MTUS2: variants seen among roughly 807,000 people sequenced by gnomAD.
MTUS2 encodes the protein microtubule associated scaffold protein 2.
Under a neutral mutation model 114.1 loss-of-function variants are expected in MTUS2, and 40 were observed. The ratio of observed to expected loss-of-function variants is 0.35; its 90% CI spans 0.27 to 0.46. The LOEUF (loss-of-function observed/expected upper bound fraction) is 0.46. Ranked by LOEUF, MTUS2 falls within the 20% of genes least tolerant of loss-of-function variation. MTUS2 has a pLI of 1.00. For synonymous variants in MTUS2, 688 were observed against 672.0 expected (o/e 1.02, Z -0.37); for missense variants, 1,679 against 1,705.4 (o/e 0.98, Z 0.27).
At chr13:28,837,026 A>T (rs1344735268) in intron 1 of MTUS2, among the ~76,000 whole-genome samples, 1 of 152,134 alleles carries the variant, frequency 6.6e-6, no homozygotes, top group Non-Finnish European at 1.5e-5. Context: ...GGCTGTTGCT[A>T]TGAGGATTAA....
intron 7 of MTUS2, among the ~76,000 whole-genome samples, chr13:29,338,706 T>G (rs1292214879): frequency 6.6e-6 from 1 of 152,216 alleles, no homozygotes; most frequent in Non-Finnish European, 1.5e-5. Context: ...GTGGCTTGAA[T>G]TTTTCTTTTC....
At chr13:28,999,456 T>C (rs1159284984) in intron 2 of MTUS2, among the ~76,000 whole-genome samples, 3 of 152,214 alleles carry the variant, frequency 2.0e-5, no homozygotes, top group African/African-American at 7.2e-5. Flanking sequence ...GTGGTTTTCA[T>C]AGGGCTTACA....
At chr13:29,179,387 G>A (rs115416210) in intron 5 of MTUS2, among the ~76,000 whole-genome samples, 1 of 152,182 alleles carries the variant, frequency 6.6e-6, no homozygotes, top group Admixed American at 6.5e-5. Flanking sequence ...AGGGAGTTAA[G>A]ATTTTAGGAG....
At chr13:28,911,173 CT>C (rs35468877) in intron 2 of MTUS2, among the ~76,000 whole-genome samples, 25,146 of 79,612 alleles carry the variant, frequency 0.32, 3,169 homozygotes, top group African/African-American at 0.43. Context: ...CTGCGCCCTG[CT>C]TTTTTTTTTT....
chr13:29,337,893 A>G (rs1302034498), intron 7 of MTUS2, among the ~76,000 whole-genome samples: 2 of 151,464 alleles, frequency 1.3e-5, no homozygotes, highest in Non-Finnish European at 2.9e-5. Flanking sequence ...GGTTCAAGCA[A>G]TTCTCCTGCC....
At chr13:29,137,761 T>C (rs1892044044) in intron 5 of MTUS2, among the ~76,000 whole-genome samples, 1 of 147,334 alleles carries the variant, frequency 6.8e-6, no homozygotes, top group Non-Finnish European at 1.5e-5. Context: ...GGATTACAGG[T>C]GCACACCACC....
At chr13:29,191,318 A>G (rs1419519704) in intron 5 of MTUS2, among the ~76,000 whole-genome samples, 1 of 151,910 alleles carries the variant, frequency 6.6e-6, no homozygotes, top group Admixed American at 6.6e-5. Flanking sequence ...ATTTTTTTAT[A>G]TATATATAAT....
At chr13:29,002,349 A>G (rs1469520093) in intron 2 of MTUS2, among the ~76,000 whole-genome samples, 1 of 152,182 alleles carries the variant, frequency 6.6e-6, no homozygotes. Flanking sequence ...CAAAATGTAC[A>G]GTATATGTTT....
At chr13:29,385,917 A>G (rs894375199) in intron 8 of MTUS2, among the ~76,000 whole-genome samples, 4 of 152,222 alleles carry the variant, frequency 2.6e-5, no homozygotes, top group African/African-American at 4.8e-5. Flanking sequence ...CAAACAGGGA[A>G]TCTCATTTCA....
chr13:29,160,052 C>T (rs780046699), intron 5 of MTUS2, among the ~76,000 whole-genome samples: 7 of 152,216 alleles, frequency 4.6e-5, no homozygotes, highest in Non-Finnish European at 8.8e-5. Context: ...CACCATTGCT[C>T]ACGGAGGCTT....
At position 29,248,851 on chromosome 13, in the gene MTUS2, C is replaced by T. The variant is rs1006929285; in HGVS notation, c.2645-32853C>T. Among the ~76,000 whole-genome samples the T allele has an allele frequency of 5.9e-5, 9 of 152,228 alleles. No individual in the cohort carries two copies. The East Asian group carries it at 9.6e-4, about 16-fold the overall frequency. On this transcript the variant is annotated intron_variant, in intron 5 of 15. Transcript: ENST00000612955. ...CATAGTATTCCATGGTTTATATGTA[C>T]CACATTTTCTTTATCCAGTCTAGAA...
rs147876205 is a variant in MTUS2 at position 29,235,251 on chromosome 13, G to A, written c.2645-46453G>A. Among the ~76,000 whole-genome samples the A allele has an allele frequency of 7.0e-3, 1,060 of 152,046 alleles. 29 individuals are homozygous for A. Among genetic ancestry groups the A allele is most frequent in the Admixed American group, 0.038 (574 of 15,272 alleles). ...AGCTGGGATAGGCATGCGCCACCAC[G>A]CCTGGCTAATTTTGTATTTTTGGTA... is the stretch of plus-strand genomic sequence containing the variant. On this transcript the variant is annotated intron_variant, in intron 5 of 15. Coordinates refer to ENST00000612955, the MANE Select transcript of MTUS2 (RefSeq NM_001033602.4).
rs181220785 is a variant in MTUS2 at position 28,939,884 on chromosome 13, T to C, written c.-242-84573T>C. On this transcript the variant is annotated intron_variant, in intron 2 of 15. Transcript: ENST00000612955. ...GCTAGGGAGGCCTCACAATCAATGG[T>C]GGAAGGTGAAGGAGGAGCTAAGTCA... Among the ~76,000 whole-genome samples, 661 of 152,208 alleles carry C rather than the reference T, an allele frequency of 4.3e-3. 3 individuals are homozygous for C. Among genetic ancestry groups the C allele is most frequent in the Non-Finnish European group, 6.7e-3 (457 of 67,982 alleles).
chr13:29,253,240 A>G (rs1897185954), intron 5 of MTUS2, among the ~76,000 whole-genome samples: 1 of 151,998 alleles, frequency 6.6e-6, no homozygotes, highest in African/African-American at 2.4e-5. Flanking sequence ...AGCCTGACCA[A>G]CATGGTGAAA....
intron 2 of MTUS2, among the ~76,000 whole-genome samples, chr13:28,923,966 A>G (rs1454078312): frequency 6.6e-6 from 1 of 152,010 alleles, no homozygotes; most frequent in Non-Finnish European, 1.5e-5. Context: ...AGTGGAGGTT[A>G]ATACTTTTTC....
chr13:28,948,428 AAAAAT>A (rs1882643233), intron 2 of MTUS2, among the ~76,000 whole-genome samples: 1 of 152,162 alleles, frequency 6.6e-6, no homozygotes, highest in African/African-American at 2.4e-5. Context: ...AGGGCTGCTA[AAAAAT>A]AGAATGGACT....
chr13:29,226,434 C>A (rs183320468), intron 5 of MTUS2, among the ~76,000 whole-genome samples: 4 of 152,198 alleles, frequency 2.6e-5, no homozygotes, highest in African/African-American at 9.6e-5. Context: ...AATATCAAAG[C>A]TTTTCAGATG....
At chr13:29,351,775 TTTA>T (rs1869302727) in intron 7 of MTUS2, among the ~76,000 whole-genome samples, 2 of 56,718 alleles carry the variant, frequency 3.5e-5, no homozygotes, top group African/African-American at 7.6e-5. Context: ...GCTAATTTTG[TTTA>T]TTTTTTTTTT....
chr13:29,330,992 T>TGGGG (rs1011741580), intron 7 of MTUS2, among the ~76,000 whole-genome samples: 2 of 152,202 alleles, frequency 1.3e-5, no homozygotes, highest in African/African-American at 2.4e-5. Flanking sequence ...GGTAGCTTGA[T>TGGGG]GGGGATAGCA....
Sources: gnomAD v4.1 joint callset for allele counts (sites outside exome capture counted in the v4.1 genomes callset) on GRCh38, gnomAD v4.1.1 for gene constraint, MANE v1.5 for transcripts, NCBI Gene and HGNC (gene_info 2026-07-23, HGNC 2026-07-21) for gene names.